GLIS1: variants seen among roughly 807,000 people sequenced by gnomAD.
GLIS1 encodes the protein zinc finger protein GLIS1.
A neutral mutation model predicts 63.8 loss-of-function variants in GLIS1; 24 were observed. The observed-to-expected ratio is 0.38, with a 90% CI of 0.27 to 0.53. The LOEUF (loss-of-function observed/expected upper bound fraction) is 0.53. GLIS1 is among the 20% of genes least tolerant of loss of function. The pLI, the probability that GLIS1 is intolerant of heterozygous loss-of-function variation, is 0.85. For missense variants in GLIS1, 1,036 were observed against 1,074.1 expected, an observed-to-expected ratio of 0.96 and a Z score of 0.50; for synonymous variants, 450 against 482.5, an observed-to-expected ratio of 0.93 and a Z score of 0.88.
At chr1:53,693,040 G>C (rs1646423941) in intron 2 of GLIS1, among the ~76,000 whole-genome samples, 1 of 152,180 alleles carries the variant, frequency 6.6e-6, no homozygotes, top group African/African-American at 2.4e-5. Flanking sequence ...CAGGTGCACA[G>C]CACTTCACAG....
At chr1:53,617,600 G>T (rs1249991336) in intron 2 of GLIS1, among the ~76,000 whole-genome samples, 2 of 152,248 alleles carry the variant, frequency 1.3e-5, no homozygotes, top group Non-Finnish European at 2.9e-5. Context: ...GCAATTGGCC[G>T]ATGACTTCAT....
intron 2 of GLIS1, among the ~76,000 whole-genome samples, chr1:53,637,388 G>A (rs930450485): frequency 2.0e-5 from 3 of 152,190 alleles, no homozygotes; most frequent in African/African-American, 7.2e-5. Context: ...GGTCCCTGAG[G>A]GTGACACGAT....
intron 4 of GLIS1, among the ~76,000 whole-genome samples, chr1:53,573,793 C>T (rs1163022893): frequency 6.6e-6 from 1 of 152,228 alleles, no homozygotes; most frequent in East Asian, 1.9e-4. Flanking sequence ...AGCCTCAGTG[C>T]TTTCCTAGAA....
In GLIS1 at chr1:53,738,031, T is replaced by C. The variant is rs1570124384; in HGVS notation, c.34A>G (p.Lys12Glu). ...GCACCAGGGGCCTCCTTAGGCCTCT[T>C]GTCCGAGTGTGCCTCAGCCACCTCG... is the stretch of plus-strand genomic sequence containing the variant. The part of the protein sequence containing the change: ...HCEVAEAHSD[K>E]RPKEAPGAPG... Residue 12 changes from lysine to glutamate, a missense_variant, in exon 2 of 11, where the codon AAG becomes GAG. Coordinates refer to ENST00000628545, the MANE Select transcript of GLIS1 (RefSeq NM_001367484.1). 1.6e-6 allele frequency: 2 copies of C among 1,230,638 alleles called. No homozygotes were observed. Among genetic ancestry groups the C allele is most frequent in the East Asian group, 3.2e-5 (1 of 31,632 alleles). 76.2% of individuals were successfully genotyped at this position (1,230,638 alleles called of 1,614,324 possible).
At chr1:53,638,841 G>T (rs1645755880) in intron 2 of GLIS1, among the ~76,000 whole-genome samples, 1 of 152,178 alleles carries the variant, frequency 6.6e-6, no homozygotes, top group African/African-American at 2.4e-5. Flanking sequence ...CCCTGACCAG[G>T]AGGCAAGTCA....
In GLIS1 at chr1:53,594,264, C is replaced by A; in HGVS notation, c.1164G>T (p.Val388=). The A allele has an allele frequency of 6.2e-7, 1 of 1,613,540 alleles. No individual in the cohort carries two copies. ...CAAYEQQEEL[V]RHIEKSHIDQ... is the part of the protein sequence containing the mutation. ...CGATGTGGCTCTTCTCGATGTGCCG[C>A]ACCAGCTCCTCCTGCTGCTCATAGG... Residue 388 remains valine, a synonymous_variant, in exon 4 of 11, where the codon GTG becomes GTT. Coordinates refer to ENST00000628545, the MANE Select transcript of GLIS1 (RefSeq NM_001367484.1).
chr1:53,721,772 T>C (rs1646758060), intron 2 of GLIS1, among the ~76,000 whole-genome samples: 1 of 152,078 alleles, frequency 6.6e-6, no homozygotes, highest in South Asian at 2.1e-4. Flanking sequence ...TGGGACGTGG[T>C]GAACGACAAA....
At chr1:53,544,313 C>T (rs1020525481) in intron 4 of GLIS1, among the ~76,000 whole-genome samples, 1 of 152,172 alleles carries the variant, frequency 6.6e-6, no homozygotes, top group Non-Finnish European at 1.5e-5. Flanking sequence ...GAGCCCGCAA[C>T]TCTGCTGGAG....
chr1:53,661,338 T>G (rs1646026374), intron 2 of GLIS1, among the ~76,000 whole-genome samples: 1 of 152,040 alleles, frequency 6.6e-6, no homozygotes, highest in Non-Finnish European at 1.5e-5. Flanking sequence ...ACATCCAGGA[T>G]AGAAGGCAGA....
intron 2 of GLIS1, among the ~76,000 whole-genome samples, chr1:53,644,055 G>C (rs1645816390): frequency 6.6e-6 from 1 of 152,188 alleles, no homozygotes. Context: ...AAGTGGGGGA[G>C]GGGAGCAAGG....
At chr1:53,719,873 G>C (rs912380528) in intron 2 of GLIS1, among the ~76,000 whole-genome samples, 5 of 152,170 alleles carry the variant, frequency 3.3e-5, no homozygotes, top group Non-Finnish European at 1.5e-5. Flanking sequence ...AAGGAAATCA[G>C]TATATCAAAG....
intron 2 of GLIS1, among the ~76,000 whole-genome samples, chr1:53,678,964 C>T (rs1039907440): frequency 2.0e-5 from 3 of 152,190 alleles, no homozygotes; most frequent in African/African-American, 7.2e-5. Flanking sequence ...AACCTAAAAC[C>T]AGCCCCTGGC....
intron 6 of GLIS1, among the ~76,000 whole-genome samples, chr1:53,522,758 A>T (rs1007837884): frequency 3.9e-5 from 6 of 151,994 alleles, no homozygotes; most frequent in African/African-American, 1.4e-4. Flanking sequence ...AAAAAAATAT[A>T]TTAAAAAAAA....
intron 2 of GLIS1, among the ~76,000 whole-genome samples, chr1:53,628,427 A>G (rs1645618464): frequency 6.6e-6 from 1 of 152,142 alleles, no homozygotes; most frequent in African/African-American, 2.4e-5. Flanking sequence ...GAGGGACTGT[A>G]CTGGCTCACT....
At chr1:53,576,256 C>A (rs1437972529) in intron 4 of GLIS1, among the ~76,000 whole-genome samples, 1 of 149,906 alleles carries the variant, frequency 6.7e-6, no homozygotes, top group Non-Finnish European at 1.5e-5. Flanking sequence ...CCTCCATCCT[C>A]CTCAATGCCC....
chr1:53,535,182 T>G (rs1183042602), intron 4 of GLIS1, among the ~76,000 whole-genome samples: 1 of 152,054 alleles, frequency 6.6e-6, no homozygotes, highest in African/African-American at 2.4e-5. Context: ...TGGTTCCTTC[T>G]GCAGCAGGCA....
At chr1:53,666,322 G>A (rs1034210922) in intron 2 of GLIS1, among the ~76,000 whole-genome samples, 1 of 152,148 alleles carries the variant, frequency 6.6e-6, no homozygotes, top group Non-Finnish European at 1.5e-5. Flanking sequence ...GGAAAACTGG[G>A]CTCAGCTAGT....
At chr1:53,731,083 C>T (rs146160494) in intron 2 of GLIS1, among the ~76,000 whole-genome samples, 4 of 152,304 alleles carry the variant, frequency 2.6e-5, no homozygotes, top group Admixed American at 2.0e-4. Flanking sequence ...AGACTACGAC[C>T]GGGGCCTTGG....
intron 2 of GLIS1, among the ~76,000 whole-genome samples, chr1:53,609,266 C>CCTTT (rs1645401735): frequency 1.2e-5 from 1 of 81,380 alleles, no homozygotes; most frequent in Non-Finnish European, 2.1e-5. Context: ...GGGTTTAAAT[C>CCTTT]TTTTTTTTTT....
Sources: gnomAD v4.1 joint callset for allele counts (sites outside exome capture counted in the v4.1 genomes callset) on GRCh38, gnomAD v4.1.1 for gene constraint, MANE v1.5 for transcripts, NCBI Gene and HGNC (gene_info 2026-07-23, HGNC 2026-07-21) for gene names.